DEFB118: variants seen among roughly 807,000 people sequenced by gnomAD.
DEFB118 encodes defensin beta 118.
In DEFB118, 3 loss-of-function variants were observed where a neutral mutation model predicts 2.8. The ratio of observed to expected loss-of-function variants is 1.09; its 90% CI spans 0.50 to 2.82. DEFB118 has a LOEUF of 2.82. Ranked by LOEUF, DEFB118 falls within the 30% of genes most tolerant of loss-of-function variation. The pLI is 0.04. For missense variants in DEFB118, 159 were observed against 144.6 expected (o/e 1.10, Z -0.51); for synonymous variants, 63 against 53.5 (o/e 1.18, Z -0.78).
rs972397477 is a variant in DEFB118, at chr20:31,372,927, A to G, written c.129A>G (p.Ala43=). The G allele has an allele frequency of 1.2e-6, 2 of 1,614,018 alleles. No homozygotes were observed. The highest frequency in any genetic ancestry group is 1.6e-4 in the Middle Eastern group (1 of 6,062). The part of the protein sequence containing the change: ...HCRKQCKDGE[A]VKDTCKNLRA... ...GGAAACAATGCAAAGATGGAGAAGC[A>G]GTGAAAGATACATGCAAAAATCTTC... is the stretch of plus-strand genomic sequence containing the variant. The change falls in exon 2 of 2, where the codon GCA becomes GCG. Residue 43 remains alanine (A), a synonymous_variant. Transcript: ENST00000253381.
rs1986234748 is a variant in DEFB118, at chr20:31,372,851, A to G, written c.59-6A>G. ...AAAATCAATGGTCTTTCCTTTTATT[A>G]TTCAGCCTATAGTGGTGAAAAAAAA... On this transcript the variant is annotated splice_polypyrimidine_tract_variant and splice_region_variant and intron_variant, in intron 1 of 1. Coordinates refer to ENST00000253381, the MANE Select transcript of DEFB118 (RefSeq NM_054112.3). 1.2e-6 allele frequency: 2 copies of G among 1,608,312 alleles called. No individual in the cohort carries two copies. Among genetic ancestry groups the G allele is most frequent in the African/African-American group, 1.3e-5 (1 of 74,718 alleles).
At chr20:31,372,728 TG>T in intron 1 of DEFB118, 128 bp from the exon 2 acceptor site, 1 of 694,112 alleles carries the variant, frequency 1.4e-6, no homozygotes, top group Non-Finnish European at 2.4e-6. Context: ...AGACCTGAGG[TG>T]GGAGTCTTGC....
At position 31,373,151 on chromosome 20, in the gene DEFB118, AT is replaced by A. The variant is rs1986246338; in HGVS notation, c.354del (p.Asn118LysfsTer30). On this transcript the variant is annotated frameshift_variant, in exon 2 of 2. Transcript: ENST00000253381. LOFTEE classifies it high-confidence loss of function. Reference protein sequence around the residue: ...AGRGTETSLPNVHHSS With the variant: ...AGRGTETSLPXVHHSS Reference sequence around the variant, plus strand: ...AGGGGAACTGAGACCTCTCTTCCAAATGTTCACCATAGCTCATGACTTCCTC... The same window carrying A: ...AGGGGAACTGAGACCTCTCTTCCAAAGTTCACCATAGCTCATGACTTCCTC... The A allele has an allele frequency of 6.2e-7, 1 of 1,613,400 alleles. No individual in the cohort carries two copies. The highest frequency in any genetic ancestry group is 1.3e-5 in the African/African-American group (1 of 74,902).
intron 1 of DEFB118, among the ~76,000 whole-genome samples, chr20:31,372,461 A>C (rs1056315550): frequency 6.6e-6 from 1 of 152,138 alleles, no homozygotes; most frequent in Non-Finnish European, 1.5e-5. Context: ...AGGCAAGAGA[A>C]TCGCTTGAAC....
At chr20:31,371,662 T>A (rs1486021428) in intron 1 of DEFB118, among the ~76,000 whole-genome samples, 2 of 152,018 alleles carry the variant, frequency 1.3e-5, no homozygotes, top group African/African-American at 4.8e-5. Context: ...GACATATGCT[T>A]ATTTTATACT....
Position 31,372,986 on chromosome 20 carries a change from G to A in DEFB118, c.188G>A (p.Arg63Lys), listed in dbSNP as rs1157512297. Residue 63 changes from arginine (R) to lysine (K), a missense_variant, in exon 2 of 2, where the codon AGG (arginine) becomes AAG (lysine). Arg to Lys is a conservative substitution (Grantham distance 26, BLOSUM62 2). Coordinates refer to ENST00000253381, the MANE Select transcript of DEFB118 (RefSeq NM_054112.3). ...ACCIPSNEDH[R>K]RVPATSPTPL... ...TGCATTCCATCCAATGAAGACCACA[G>A]GCGAGTTCCTGCGACATCTCCCACA... 1.2e-6 allele frequency: 2 copies of A among 1,614,184 alleles called. No individual in the cohort carries two copies. Among genetic ancestry groups the A allele is most frequent in the East Asian group, 2.2e-5 (1 of 44,882 alleles).
At chr20:31,371,858 G>A (rs968798967) in intron 1 of DEFB118, among the ~76,000 whole-genome samples, 1 of 151,380 alleles carries the variant, frequency 6.6e-6, no homozygotes, top group African/African-American at 2.4e-5. Context: ...TCCCCCTTCT[G>A]AGTCTCCAAT....
In DEFB118 at chr20:31,373,900, CAAAAAAAAAAAA is replaced by C. The variant is rs60446679; in HGVS notation, c.*742_*753del. The C allele has an allele frequency of 1.5e-5, 1 of 64,594 alleles. No homozygotes were observed. Among genetic ancestry groups the C allele is most frequent in the African/African-American group, 4.5e-5 (1 of 22,330 alleles). 4.0% of individuals were successfully genotyped at this position (64,594 alleles called of 1,614,324 possible). On this transcript the variant is annotated 3_prime_UTR_variant, in exon 2 of 2. Transcript: ENST00000253381. ...AGCTTTATTTGTCTCCCTCTGATAG[CAAAAAAAAAAAA>C]AAAAAAAAAAATCTTCACATCCTAT... is the stretch of plus-strand genomic sequence containing the variant.
chr20:31,371,891 C>T (rs1271642564), intron 1 of DEFB118, among the ~76,000 whole-genome samples: 2 of 151,908 alleles, frequency 1.3e-5, no homozygotes, highest in Non-Finnish European at 2.9e-5. Context: ...ACTCTGTACG[C>T]CCTTGTGTAC....
chr20:31,373,014 C>G lies in DEFB118; in HGVS notation c.216C>G (p.Pro72=). ...GAGTTCCTGCGACATCTCCCACACC[C>G]TTGAGTGACTCAACACCAGGAATTA... ...HRRVPATSPT[P]LSDSTPGIID... Residue 72 remains proline, a synonymous_variant, in exon 2 of 2, where the codon CCC becomes CCG. Transcript: ENST00000253381. 6.2e-7 allele frequency: 1 copy of G among 1,614,196 alleles called. No homozygotes were observed. Among genetic ancestry groups the G allele is most frequent in the Non-Finnish European group, 8.5e-7 (1 of 1,180,038 alleles).
At chr20:31,371,709 C>A (rs1015385952) in intron 1 of DEFB118, among the ~76,000 whole-genome samples, 1 of 151,982 alleles carries the variant, frequency 6.6e-6, no homozygotes, top group Non-Finnish European at 1.5e-5. Context: ...ATTTCAATAG[C>A]TTTAGGGGTA....
chr20:31,369,938 A>G (rs1986185701), intron 1 of DEFB118, among the ~76,000 whole-genome samples: 1 of 152,136 alleles, frequency 6.6e-6, no homozygotes, highest in Non-Finnish European at 1.5e-5. Flanking sequence ...AGGGCAAATA[A>G]CCAAGTTAAA....
chr20:31,372,993 T>A lies in DEFB118; in HGVS notation c.195T>A (p.Val65=). Residue 65 remains valine (V), a synonymous_variant, in exon 2 of 2, where the codon GTT becomes GTA. Transcript: ENST00000253381. ...CATCCAATGAAGACCACAGGCGAGT[T>A]CCTGCGACATCTCCCACACCCTTGA... ...CIPSNEDHRR[V]PATSPTPLSD... 1 of 1,614,228 alleles carries A rather than the reference T, an allele frequency of 6.2e-7. No individual in the cohort carries two copies. Among genetic ancestry groups the A allele is most frequent in the Non-Finnish European group, 8.5e-7 (1 of 1,180,038 alleles).
In DEFB118 at chr20:31,373,238, T is replaced by C; in HGVS notation, c.*68T>C. ...ACTAAGTCACATACAGATAAAGCACTGAAAACACCACAGTGACCCTCCCAC... is the reference window on the plus strand; with the variant it reads ...ACTAAGTCACATACAGATAAAGCACCGAAAACACCACAGTGACCCTCCCAC... On this transcript the variant is annotated 3_prime_UTR_variant, in exon 2 of 2. Transcript: ENST00000253381. 1 of 1,433,892 alleles carries C rather than the reference T, an allele frequency of 7.0e-7. No homozygotes were observed. Among genetic ancestry groups the C allele is most frequent in the Non-Finnish European group, 9.5e-7 (1 of 1,047,798 alleles). 88.8% of individuals were successfully genotyped at this position (1,433,892 alleles called of 1,614,324 possible). A position where few individuals can be genotyped will look rare whatever the true frequency, so the allele number is the denominator to read the frequency against.
At chr20:31,369,551 G>A (rs945979257) in intron 1 of DEFB118, among the ~76,000 whole-genome samples, 5 of 151,994 alleles carry the variant, frequency 3.3e-5, no homozygotes, top group Admixed American at 1.3e-4. Context: ...CATCATGTCC[G>A]ACTAATTTTT....
intron 1 of DEFB118, among the ~76,000 whole-genome samples, chr20:31,371,275 C>G (rs1454287382): frequency 6.6e-6 from 1 of 151,902 alleles, no homozygotes; most frequent in Non-Finnish European, 1.5e-5. Flanking sequence ...TCTCGTAGCT[C>G]GCCCTCTCTC....
At chr20:31,369,117 C>T (rs1390118247) in intron 1 of DEFB118, among the ~76,000 whole-genome samples, 2 of 152,190 alleles carry the variant, frequency 1.3e-5, no homozygotes, top group Non-Finnish European at 2.9e-5. Flanking sequence ...TCAGAAAACA[C>T]TGGTAGAGCT....
intron 1 of DEFB118, among the ~76,000 whole-genome samples, chr20:31,372,461 A>G (rs1056315550): frequency 6.6e-6 from 1 of 152,138 alleles, no homozygotes; most frequent in Non-Finnish European, 1.5e-5. Context: ...AGGCAAGAGA[A>G]TCGCTTGAAC....
In DEFB118 at chr20:31,373,427, A is replaced by G. The variant is rs1238575730; in HGVS notation, c.*257A>G. The G allele has an allele frequency of 2.1e-6, 1 of 477,112 alleles. No individual in the cohort carries two copies. Among genetic ancestry groups the G allele is most frequent in the East Asian group, 3.3e-5 (1 of 30,058 alleles). The allele number at this position is 477,112 out of a possible 1,614,324, so 29.6% of individuals were successfully genotyped here. On this transcript the variant is annotated 3_prime_UTR_variant, in exon 2 of 2. Coordinates refer to ENST00000253381, the MANE Select transcript of DEFB118 (RefSeq NM_054112.3). Reference sequence around the variant, plus strand: ...AGTATTTCTTGTTTGCTAGTGACCTATGCACAACTTCAATAGCTTAGTTAG... The same window carrying G: ...AGTATTTCTTGTTTGCTAGTGACCTGTGCACAACTTCAATAGCTTAGTTAG...
Sources: gnomAD v4.1 joint callset for allele counts (sites outside exome capture counted in the v4.1 genomes callset) on GRCh38, gnomAD v4.1.1 for gene constraint, MANE v1.5 for transcripts, NCBI Gene and HGNC (gene_info 2026-07-23, HGNC 2026-07-21) for gene names.